Variants in KY observed in about 807,000 individuals in gnomAD.
The protein encoded by KY is kyphoscoliosis peptidase.
Under a neutral mutation model 76.1 loss-of-function variants are expected in KY, and 43 were observed. The observed-to-expected ratio is 0.57, with a 90% CI of 0.44 to 0.73. The LOEUF (loss-of-function observed/expected upper bound fraction) is 0.73, where lower values mean the gene tolerates loss of function less well. KY is among the 30% of genes least tolerant of loss of function. KY has a pLI of 0.00. For synonymous variants in KY, 277 were observed against 326.2 expected, an observed-to-expected ratio of 0.85 and a Z score of 1.63; for missense variants, 722 against 828.9, an observed-to-expected ratio of 0.87 and a Z score of 1.58.
chr3:134,639,873 C>T (rs1965494391), intron 3 of KY: 1 of 145,718 alleles, frequency 6.9e-6, no homozygotes. Flanking sequence ...TTGCTTGAGC[C>T]CAGGAGTTTG....
chr3:134,611,601 C>T (rs374785730), intron 8 of KY, among the ~76,000 whole-genome samples: 2 of 152,240 alleles, frequency 1.3e-5, no homozygotes, highest in South Asian at 2.1e-4. Flanking sequence ...CCTGTGAAAC[C>T]GAGGATGTGC....
chr3:134,625,644 G>A (rs1201415146), intron 5 of KY, among the ~76,000 whole-genome samples: 1 of 152,228 alleles, frequency 6.6e-6, no homozygotes, highest in Non-Finnish European at 1.5e-5. Flanking sequence ...AGGAGGGCAT[G>A]GAAAGGCCGG....
intron 8 of KY, among the ~76,000 whole-genome samples, chr3:134,616,629 T>C (rs4634170): frequency 0.62 from 94,523 of 152,008 alleles, 29,961 homozygotes; most frequent in East Asian, 0.88. Flanking sequence ...TTGGAACTAA[T>C]TTTAAATGAT....
chr3:134,627,635 CA>C, intron 5 of KY, 120 bp downstream of exon 5: 1 of 819,812 alleles, frequency 1.2e-6, no homozygotes, highest in Non-Finnish European at 2.1e-6. Flanking sequence ...CTCCTGAACC[CA>C]AAGGTGGCCC....
rs1963679085 is a variant in KY at position 134,627,886 on chromosome 3, C to T, written c.338-68G>A. ...AACAGAAATGCAAGCACTGATGACT[C>T]ACCTTCTGGTGGTCCTTGCTTTTGA... On this transcript the variant is annotated intron_variant, in intron 4 of 10. Coordinates refer to ENST00000423778, the MANE Select transcript of KY (RefSeq NM_178554.6). 3.2e-6 allele frequency: 4 copies of T among 1,257,604 alleles called. No individual in the cohort carries two copies. In the East Asian group the frequency reaches 9.3e-5, roughly 29 times the overall value. 77.9% of individuals were successfully genotyped at this position (1,257,604 alleles called of 1,614,324 possible). A position where few individuals can be genotyped will look rare whatever the true frequency, so the allele number is the denominator to read the frequency against.
At position 134,612,560 on chromosome 3, in the gene KY, G is replaced by A. The variant is rs1452846914; in HGVS notation, c.711-2177C>T. On this transcript the variant is annotated intron_variant, in intron 8 of 10. Transcript: ENST00000423778. ...CAGAGAAGGACCAGAGGAAAGCAAGGCCAGAGGAGTGGGTAGAGGTGTAGG... is the reference window on the plus strand; with the variant it reads ...CAGAGAAGGACCAGAGGAAAGCAAGACCAGAGGAGTGGGTAGAGGTGTAGG... Among the ~76,000 whole-genome samples, 2 of 152,196 alleles carry A rather than the reference G, an allele frequency of 1.3e-5. 1 individual carries two copies. The highest frequency in any genetic ancestry group is 3.8e-4 in the East Asian group (2 of 5,196).
intron 3 of KY, among the ~76,000 whole-genome samples, chr3:134,638,317 T>C (rs1965261239): frequency 6.6e-6 from 1 of 152,202 alleles, no homozygotes; most frequent in African/African-American, 2.4e-5. Flanking sequence ...AAAATATTAG[T>C]GTGGCCAATC....
At chr3:134,608,137 C>T in intron 10 of KY, 1 of 1,134,744 alleles carries the variant, frequency 8.8e-7, no homozygotes, top group Non-Finnish European at 1.1e-6. Context: ...ACCACCAACA[C>T]CCAGATTCCA....
At chr3:134,621,131 G>A (rs1347150721) in intron 6 of KY, among the ~76,000 whole-genome samples, 2 of 152,224 alleles carry the variant, frequency 1.3e-5, no homozygotes, top group African/African-American at 2.4e-5. Context: ...CTGGACAGCT[G>A]TAGCAGCCCC....
chr3:134,609,786 TG>T (rs1483059720), intron 9 of KY, among the ~76,000 whole-genome samples: 1 of 152,154 alleles, frequency 6.6e-6, no homozygotes, highest in East Asian at 1.9e-4. Flanking sequence ...AGAAGGAGCC[TG>T]GTGTCTGGGC....
At chr3:134,643,249 C>T (rs1178638133) in intron 3 of KY, 67 bp downstream of exon 3, 5 of 1,500,270 alleles carry the variant, frequency 3.3e-6, no homozygotes, top group Middle Eastern at 2.2e-4. Context: ...TGGGCTGTCG[C>T]TGGCCAGAGC....
At position 134,629,688 on chromosome 3, in the gene KY, T is replaced by C. The variant is rs1259633037; in HGVS notation, c.270A>G (p.Gln90=). 6.3e-7 allele frequency: 1 copy of C among 1,589,630 alleles called. No homozygotes were observed. The highest frequency in any genetic ancestry group is 8.6e-7 in the Non-Finnish European group (1 of 1,167,526). The change falls in exon 4 of 11, where the codon CAA becomes CAG. Residue 90 remains glutamine, a synonymous_variant. Transcript: ENST00000423778. ...CTCGAGGGTGGACTTCCACAGTCAG[T>C]TGTGTCCCTACAAAGGAAAAGGAGA... is the stretch of plus-strand genomic sequence containing the variant. ...VITSYNSQGT[Q]LTVEVHPRDA... is the part of the protein sequence containing the mutation.
chr3:134,647,551 T>A, intron 1 of KY, 54 bp from the exon 2 acceptor site: 1 of 1,120,836 alleles, frequency 8.9e-7, no homozygotes, highest in Non-Finnish European at 1.3e-6. Context: ...AAGAGTGATG[T>A]ACCAGTTGCA....
At chr3:134,626,678 C>T (rs1483924635) in intron 5 of KY, among the ~76,000 whole-genome samples, 6 of 152,196 alleles carry the variant, frequency 3.9e-5, no homozygotes, top group Non-Finnish European at 1.5e-5. Flanking sequence ...CTAGACCTGG[C>T]TCCAGCCCCT....
At chr3:134,649,421 G>A (rs550708715) in intron 1 of KY, among the ~76,000 whole-genome samples, 30 of 152,168 alleles carry the variant, frequency 2.0e-4, no homozygotes, top group Non-Finnish European at 3.8e-4. Context: ...TAGGGGACTC[G>A]TGGGCTGACC....
intron 8 of KY, among the ~76,000 whole-genome samples, chr3:134,616,805 G>T (rs938450480): frequency 2.0e-5 from 3 of 152,100 alleles, no homozygotes; most frequent in Non-Finnish European, 4.4e-5. Flanking sequence ...CAGAGCAAAA[G>T]GACTCCAATC....
chr3:134,623,877 C>T (rs1470323631), intron 6 of KY, among the ~76,000 whole-genome samples: 1 of 152,130 alleles, frequency 6.6e-6, no homozygotes, highest in Non-Finnish European at 1.5e-5. Context: ...TGCCCCAGCC[C>T]CTTTGATGGC....
intron 1 of KY, 119 bp from the exon 2 acceptor site, chr3:134,647,616 AG>A (rs1560148466): frequency 9.7e-6 from 6 of 617,974 alleles, no homozygotes; most frequent in Non-Finnish European, 1.7e-5. Context: ...GGAATCTGAG[AG>A]AGGCTACCCA....
Position 134,650,856 on chromosome 3 carries a change from C to A in KY, c.105G>T (p.Ala35=), listed in dbSNP as rs376148670. Reference sequence around the variant, plus strand: ...CGCGCTGCAGCAGCGAGCTCGGGTTCGCCTGCTGGTCTGAGAGCGTACCCT... The same window carrying A: ...CGCGCTGCAGCAGCGAGCTCGGGTTAGCCTGCTGGTCTGAGAGCGTACCCT... The part of the protein sequence containing the change: ...AAQGTLSDQQ[A]NPSSLLQRGG... The change falls in exon 1 of 11, where the codon GCG becomes GCT. Residue 35 remains alanine (A), a synonymous_variant. Transcript: ENST00000423778. The A allele has an allele frequency of 6.2e-7, 1 of 1,608,230 alleles. No homozygotes were observed. The highest frequency in any genetic ancestry group is 8.5e-7 in the Non-Finnish European group (1 of 1,176,894).
Sources: allele counts gnomAD v4.1 joint callset (sites outside exome capture counted in the v4.1 genomes callset), GRCh38; gene constraint gnomAD v4.1.1; transcripts MANE v1.5; gene names NCBI Gene and HGNC (gene_info 2026-07-23, HGNC 2026-07-21).